Variants in RALGPS2 observed in about 807,000 individuals in gnomAD.
RALGPS2 encodes the protein ras-specific guanine nucleotide-releasing factor RalGPS2.
In RALGPS2, 43 loss-of-function variants were observed where a neutral mutation model predicts 86.8. That is an observed-to-expected ratio of 0.50 (90% CI 0.39 to 0.64). RALGPS2 has a LOEUF of 0.64. RALGPS2 is among the 30% of genes least tolerant of loss of function. RALGPS2 has a pLI of 0.00. For missense variants in RALGPS2, 536 were observed against 694.6 expected (o/e 0.77, Z 2.57); for synonymous variants, 243 against 231.3 (o/e 1.05, Z -0.46).
chr1:178,804,064 T>G (rs1007413701), intron 4 of RALGPS2, among the ~76,000 whole-genome samples: 5 of 139,566 alleles, frequency 3.6e-5, no homozygotes, highest in African/African-American at 1.3e-4. Flanking sequence ...TGACTCAATC[T>G]ATTCCTTTTT....
intron 1 of RALGPS2, among the ~76,000 whole-genome samples, chr1:178,758,976 T>C (rs932493188): frequency 3.9e-5 from 6 of 152,188 alleles, no homozygotes; most frequent in African/African-American, 1.2e-4. Flanking sequence ...TGGTTATTAA[T>C]CCCTTCTCAG....
rs553352547 is a variant in RALGPS2 at position 178,730,004 on chromosome 1, C to T, written c.-84+4585C>T. ...TCGCCCAGGCTGAAGTGCAGTGGTG[C>T]GATCTTGGCTCATTGCAGCCTCCAC... On this transcript the variant is annotated intron_variant, in intron 1 of 19. Transcript: ENST00000367635. Among the ~76,000 whole-genome samples, 11 of 152,206 alleles carry T rather than the reference C, an allele frequency of 7.2e-5. No individual in the cohort carries two copies. In the South Asian group the frequency reaches 8.3e-4, roughly 11 times the overall value.
intron 5 of RALGPS2, among the ~76,000 whole-genome samples, chr1:178,809,526 T>TA (rs949446579): frequency 8.1e-4 from 122 of 150,970 alleles, no homozygotes; most frequent in Middle Eastern, 3.4e-3. Flanking sequence ...AGAAATACAT[T>TA]AAAAAAAAAC....
At chr1:178,787,301 G>A (rs1398496596) in intron 4 of RALGPS2, among the ~76,000 whole-genome samples, 1 of 152,116 alleles carries the variant, frequency 6.6e-6, no homozygotes, top group African/African-American at 2.4e-5. Context: ...CTGTCTAGCA[G>A]AAATATAGTA....
At position 178,853,686 on chromosome 1, in the gene RALGPS2, A is replaced by G. The variant is rs775747198; in HGVS notation, c.607+20136A>G. On this transcript the variant is annotated intron_variant, in intron 8 of 19. Transcript: ENST00000367635. ...CCCCCAGGGTCCAAACTGTTTTCAC[A>G]CCATAACTGCATTGGTCCATTGCTG... 12 of 1,613,194 alleles carry G rather than the reference A, an allele frequency of 7.4e-6. 1 individual carries two copies. The East Asian group carries it at 2.7e-4, about 36-fold the overall frequency.
intron 1 of RALGPS2, 78 bp from the exon 2 acceptor site, chr1:178,776,604 T>C: frequency 2.0e-6 from 1 of 490,142 alleles, no homozygotes; most frequent in Non-Finnish European, 3.6e-6. Context: ...TTTTTGTTTC[T>C]TGGCATGGTG....
At chr1:178,736,713 A>G (rs1436213897) in intron 1 of RALGPS2, among the ~76,000 whole-genome samples, 2 of 151,998 alleles carry the variant, frequency 1.3e-5, no homozygotes, top group Non-Finnish European at 2.9e-5. Flanking sequence ...AGCCTGGGCA[A>G]TGTGGTGAAA....
intron 7 of RALGPS2, among the ~76,000 whole-genome samples, chr1:178,827,672 G>A (rs2102237504): frequency 6.6e-6 from 1 of 152,250 alleles, no homozygotes; most frequent in African/African-American, 2.4e-5. Context: ...TGGGATTACA[G>A]GCGTGAGCCA....
At chr1:178,745,353 T>G (rs1380561935) in intron 1 of RALGPS2, among the ~76,000 whole-genome samples, 1 of 152,112 alleles carries the variant, frequency 6.6e-6, no homozygotes, top group East Asian at 1.9e-4. Flanking sequence ...AAGTTGGAGG[T>G]CTAATGCTAT....
intron 8 of RALGPS2, among the ~76,000 whole-genome samples, chr1:178,837,646 G>A (rs1656345120): frequency 6.6e-6 from 1 of 152,188 alleles, no homozygotes; most frequent in African/African-American, 2.4e-5. Context: ...TCCAACTGAG[G>A]TACCGGGTTC....
chr1:178,839,084 C>T (rs1656442105), intron 8 of RALGPS2, among the ~76,000 whole-genome samples: 1 of 152,218 alleles, frequency 6.6e-6, no homozygotes, highest in Non-Finnish European at 1.5e-5. Context: ...TTGGAAAACA[C>T]TCTGCAGGAT....
At chr1:178,803,516 AAAATG>A (rs1654584385) in intron 4 of RALGPS2, among the ~76,000 whole-genome samples, 1 of 148,794 alleles carries the variant, frequency 6.7e-6, no homozygotes, top group Admixed American at 6.8e-5. Context: ...GGAAAGAACA[AAAATG>A]TTTCTAGCAG....
At chr1:178,767,652 G>T (rs147734376) in intron 1 of RALGPS2, among the ~76,000 whole-genome samples, 7 of 152,320 alleles carry the variant, frequency 4.6e-5, no homozygotes, top group African/African-American at 1.7e-4. Flanking sequence ...GCAGAAGCGG[G>T]ACTGCTGGGC....
At chr1:178,877,683 A>G (rs1173536579) in intron 9 of RALGPS2, 48 bp downstream of exon 9, 2 of 1,598,666 alleles carry the variant, frequency 1.3e-6, no homozygotes, top group African/African-American at 2.7e-5. Flanking sequence ...GCTGTAATCC[A>G]GTGATTTATT....
At chr1:178,876,759 T>C (rs1210838670) in intron 8 of RALGPS2, among the ~76,000 whole-genome samples, 1 of 152,148 alleles carries the variant, frequency 6.6e-6, no homozygotes, top group Non-Finnish European at 1.5e-5. Context: ...AGAAATAAAC[T>C]TAAATAAGTG....
intron 1 of RALGPS2, among the ~76,000 whole-genome samples, chr1:178,751,982 A>C (rs1651705153): frequency 6.6e-6 from 1 of 152,156 alleles, no homozygotes; most frequent in Non-Finnish European, 1.5e-5. Flanking sequence ...AACACTTATA[A>C]TTGTGGGTTC....
chr1:178,766,029 A>C (rs1318989171), intron 1 of RALGPS2, among the ~76,000 whole-genome samples: 4 of 152,202 alleles, frequency 2.6e-5, no homozygotes, highest in East Asian at 3.8e-4. Flanking sequence ...CTCAGCTTAC[A>C]AAGATGACGG....
rs191979563 is a variant in RALGPS2, at chr1:178,882,073, T to C, written c.837-1393T>C. On this transcript the variant is annotated intron_variant, in intron 10 of 19. Transcript: ENST00000367635. The stretch of plus-strand genomic sequence containing the variant: ...TCTGTTCTTAATGAATCAGCATCTC[T>C]ATTATAATGTGGTGCTTTGACGATG... Among the ~76,000 whole-genome samples, 8 of 152,364 alleles carry C rather than the reference T, an allele frequency of 5.3e-5. No homozygotes were observed. In the East Asian group the frequency reaches 9.6e-4, roughly 18 times the overall value.
At chr1:178,745,822 CTT>C (rs34277622) in intron 1 of RALGPS2, among the ~76,000 whole-genome samples, 959 of 86,012 alleles carry the variant, frequency 0.011, 8 homozygotes, top group African/African-American at 0.027. Flanking sequence ...TTCAATTCTT[CTT>C]TTTTTTTTTT....
Sources: allele counts gnomAD v4.1 joint callset (sites outside exome capture counted in the v4.1 genomes callset), GRCh38; gene constraint gnomAD v4.1.1; transcripts MANE v1.5; gene names NCBI Gene and HGNC (gene_info 2026-07-23, HGNC 2026-07-21).